WDFY4: variants seen among roughly 807,000 people sequenced by gnomAD.
WDFY4 encodes WDFY family member 4.
In WDFY4, 169 loss-of-function variants were observed where a neutral mutation model predicts 351.9. The observed-to-expected ratio is 0.48, with a 90% CI of 0.42 to 0.55. The LOEUF is 0.55. WDFY4 is among the 20% of genes least tolerant of loss of function. The pLI, the probability that WDFY4 is intolerant of heterozygous loss-of-function variation, is 0.00. For synonymous variants in WDFY4, 1,622 were observed against 1,574.6 expected (o/e 1.03, Z -0.71); for missense variants, 3,803 against 3,935.6 (o/e 0.97, Z 0.90).
chr10:48,787,962 T>C (rs867858092), intron 20 of WDFY4, among the ~76,000 whole-genome samples: 117 of 103,120 alleles, frequency 1.1e-3, no homozygotes, highest in Middle Eastern at 8.3e-3. Context: ...TTCTTCTTCT[T>C]CTTCTTCTTC....
chr10:48,789,725 T>C, intron 21 of WDFY4, 149 bp from the exon 22 acceptor site: 1 of 690,656 alleles, frequency 1.4e-6, no homozygotes, highest in Non-Finnish European at 2.4e-6. Flanking sequence ...TCCCCTGACA[T>C]TGGTTCAATT....
intron 55 of WDFY4, 60 bp downstream of exon 55, chr10:48,966,733 G>A (rs1009958322): frequency 6.6e-7 from 1 of 1,517,772 alleles, no homozygotes; most frequent in Non-Finnish European, 8.9e-7. Context: ...TTCAGTGGCT[G>A]GGTTCCTCTG....
intron 40 of WDFY4, among the ~76,000 whole-genome samples, chr10:48,872,755 A>G (rs1335166025): frequency 6.6e-6 from 1 of 152,242 alleles, no homozygotes; most frequent in Non-Finnish European, 1.5e-5. Flanking sequence ...GTCATACTGT[A>G]GTAGCAGATG....
rs1364445874 is a variant in WDFY4, at chr10:48,833,168, T to TGAGA, written c.6663+460_6663+461insAGAG. Reference sequence around the variant, plus strand: ...GTGTGTGTGTGTGTGTGTGTGTGTGTGTGTGAGAGAGAGAGAGAGAGAGAG... The same window carrying TGAGA: ...GTGTGTGTGTGTGTGTGTGTGTGTGTGAGAGTGTGAGAGAGAGAGAGAGAGAGAG... On this transcript the variant is annotated intron_variant, in intron 39 of 61. Transcript: ENST00000325239. Among the ~76,000 whole-genome samples, 863 of 106,824 alleles carry TGAGA rather than the reference T, an allele frequency of 8.1e-3. 4 individuals are homozygous for TGAGA. Among genetic ancestry groups the TGAGA allele is most frequent in the South Asian group, 0.054 (146 of 2,724 alleles). 70.1% of individuals were successfully genotyped at this position (106,824 alleles called of 152,430 possible).
At chr10:48,874,481 C>T (rs926327697) in intron 41 of WDFY4, among the ~76,000 whole-genome samples, 3 of 152,074 alleles carry the variant, frequency 2.0e-5, no homozygotes, top group Admixed American at 1.3e-4. Context: ...TTTATTCTCT[C>T]GTCTGTAACC....
chr10:48,716,617 T>A (rs1189449221), intron 2 of WDFY4, among the ~76,000 whole-genome samples: 1 of 152,162 alleles, frequency 6.6e-6, no homozygotes, highest in African/African-American at 2.4e-5. Context: ...CTTCCAGAAG[T>A]GCCCATCGAG....
chr10:48,852,399 G>A (rs1422515941), intron 39 of WDFY4, among the ~76,000 whole-genome samples: 1 of 152,186 alleles, frequency 6.6e-6, no homozygotes, highest in Non-Finnish European at 1.5e-5. Context: ...ATGTGCACAT[G>A]CATAACTTCT....
chr10:48,897,605 G>A (rs1589831295), intron 45 of WDFY4, 31 bp downstream of exon 45: 1 of 1,537,072 alleles, frequency 6.5e-7, no homozygotes, highest in Non-Finnish European at 8.7e-7. Context: ...CACGCCTGGG[G>A]CCTGCGAGAG....
At chr10:48,836,818 C>T (rs1454482257) in intron 39 of WDFY4, among the ~76,000 whole-genome samples, 1 of 152,166 alleles carries the variant, frequency 6.6e-6, no homozygotes, top group Non-Finnish European at 1.5e-5. Context: ...CAAAGGGCAA[C>T]TCAGGGTGCA....
intron 40 of WDFY4, among the ~76,000 whole-genome samples, chr10:48,867,830 GA>G (rs1339409143): frequency 6.6e-6 from 1 of 152,148 alleles, no homozygotes; most frequent in Non-Finnish European, 1.5e-5. Context: ...GCTAAAAATA[GA>G]ACACAACATA....
At position 48,877,203 on chromosome 10, in the gene WDFY4, A is replaced by T. The variant is rs968043798; in HGVS notation, c.7167+4A>T. The T allele has an allele frequency of 6.4e-7, 1 of 1,551,132 alleles. No individual in the cohort carries two copies. Among genetic ancestry groups the T allele is most frequent in the Non-Finnish European group, 8.7e-7 (1 of 1,146,758 alleles). On this transcript the variant is annotated splice_donor_region_variant and intron_variant, in intron 43 of 61. Coordinates refer to ENST00000325239, the MANE Select transcript of WDFY4 (RefSeq NM_001394531.1). ...AGAGCTTCTTGATAAAGAAAAGGTA[A>T]TATACCCCATTGCAATAGCCTTTAA...
At chr10:48,842,764 T>C (rs2068652053) in intron 39 of WDFY4, among the ~76,000 whole-genome samples, 1 of 152,192 alleles carries the variant, frequency 6.6e-6, no homozygotes, top group Non-Finnish European at 1.5e-5. Context: ...ACTTAATGAA[T>C]TATCAGTAGC....
intron 53 of WDFY4, among the ~76,000 whole-genome samples, chr10:48,961,139 C>T (rs555754049): frequency 6.6e-6 from 1 of 152,318 alleles, no homozygotes; most frequent in Admixed American, 6.5e-5. Flanking sequence ...AAACCTATGC[C>T]TTTTCCTGTC....
At chr10:48,883,406 G>GTA (rs1377938271) in intron 43 of WDFY4, among the ~76,000 whole-genome samples, 2 of 152,124 alleles carry the variant, frequency 1.3e-5, no homozygotes, top group African/African-American at 4.8e-5. Context: ...GTGTGTGTGT[G>GTA]TGTTACTCTC....
chr10:48,764,530 C>A (rs541369798), intron 13 of WDFY4, among the ~76,000 whole-genome samples: 1 of 152,290 alleles, frequency 6.6e-6, no homozygotes, highest in South Asian at 2.1e-4. Context: ...GAGATGTGGC[C>A]GTGGGCTAGA....
chr10:48,799,156 T>G (rs1259610689), intron 24 of WDFY4, among the ~76,000 whole-genome samples: 2 of 152,146 alleles, frequency 1.3e-5, no homozygotes, highest in Non-Finnish European at 2.9e-5. Flanking sequence ...AGAATGGCCA[T>G]GGACACCACC....
chr10:48,775,998 G>A (rs1245074568), intron 15 of WDFY4, among the ~76,000 whole-genome samples, 192 bp downstream of exon 15: 1 of 152,246 alleles, frequency 6.6e-6, no homozygotes, highest in Admixed American at 6.5e-5. Context: ...TCCAGATGGA[G>A]AAAGATGAAC....
intron 39 of WDFY4, among the ~76,000 whole-genome samples, chr10:48,859,016 T>C (rs1181499209): frequency 6.6e-6 from 1 of 152,188 alleles, no homozygotes; most frequent in Non-Finnish European, 1.5e-5. Context: ...TGCTAATATT[T>C]TGAAATACAG....
chr10:48,910,021 AAATATTTCCCAAAG>A, intron 47 of WDFY4: 1 of 560,422 alleles, frequency 1.8e-6, no homozygotes. Flanking sequence ...AAACCACATC[AAATATTTCCCAAAG>A]TCATTTTCAC....
Sources: gnomAD v4.1 joint callset for allele counts (sites outside exome capture counted in the v4.1 genomes callset) on GRCh38, gnomAD v4.1.1 for gene constraint, MANE v1.5 for transcripts, NCBI Gene and HGNC (gene_info 2026-07-23, HGNC 2026-07-21) for gene names.